Variants in LARGE1 observed in about 807,000 individuals in gnomAD.
LARGE1 encodes the protein xylosyl- and glucuronyltransferase LARGE1.
In LARGE1, 43 loss-of-function variants were observed where a neutral mutation model predicts 87.6. The observed-to-expected ratio is 0.49, with a 90% CI of 0.38 to 0.63. LARGE1 has a LOEUF of 0.63. Among genes scored for constraint, LARGE1 ranks in the 30% least tolerant of loss-of-function variants. The pLI, the probability that LARGE1 is intolerant of heterozygous loss-of-function variation, is 0.00. For synonymous variants in LARGE1, 434 were observed against 394.6 expected (o/e 1.10, Z -1.18); for missense variants, 802 against 1,000.2 (o/e 0.80, Z 2.67).
chr22:33,548,756 G>A (rs1200986439), intron 6 of LARGE1, among the ~76,000 whole-genome samples: 1 of 152,218 alleles, frequency 6.6e-6, no homozygotes, highest in Middle Eastern at 3.4e-3. Flanking sequence ...ACTAATACAG[G>A]CTCCCTTTGT....
chr22:33,475,682 C>T (rs756478883), intron 6 of LARGE1, among the ~76,000 whole-genome samples: 25 of 151,980 alleles, frequency 1.6e-4, no homozygotes, highest in Middle Eastern at 3.2e-3. Flanking sequence ...AGAGTGGTCT[C>T]GAACTCCCGA....
At chr22:33,389,011 G>C (rs1332372782) in intron 7 of LARGE1, among the ~76,000 whole-genome samples, 1 of 152,224 alleles carries the variant, frequency 6.6e-6, no homozygotes, top group Non-Finnish European at 1.5e-5. Flanking sequence ...CAAACACTGA[G>C]ATCATGCAGT....
chr22:33,743,040 A>C (rs1385482868), intron 2 of LARGE1: 1 of 151,976 alleles, frequency 6.6e-6, no homozygotes, highest in East Asian at 1.9e-4. Flanking sequence ...TGGTTGTTTA[A>C]AAAGCGTATG....
Position 33,367,298 on chromosome 22 carries a change from T to A in LARGE1, c.1131+14621A>T, listed in dbSNP as rs539105966. ...TTTCTTGGTGAGTTCACTTTCTTTT[T>A]TCTTGATGAGTCTCGCCATAGGTTT... is the stretch of plus-strand genomic sequence containing the variant. On this transcript the variant is annotated intron_variant, in intron 9 of 14. Coordinates refer to ENST00000397394, the MANE Select transcript of LARGE1 (RefSeq NM_133642.5). Among the ~76,000 whole-genome samples the A allele has an allele frequency of 5.3e-5, 8 of 152,324 alleles. No individual in the cohort carries two copies. In the East Asian group the frequency reaches 1.4e-3, roughly 26 times the overall value.
chr22:33,516,276 G>A (rs1422423482), intron 6 of LARGE1, among the ~76,000 whole-genome samples: 3 of 152,124 alleles, frequency 2.0e-5, no homozygotes, highest in Admixed American at 6.5e-5. Context: ...CTGGTGTGAC[G>A]AAGGCAGGCA....
chr22:33,107,875 T>C, the LARGE1 span, among the ~76,000 whole-genome samples: 1 of 152,046 alleles, frequency 6.6e-6, no homozygotes, highest in African/African-American at 2.4e-5. Flanking sequence ...TAAATATTTT[T>C]AAAGGCTTTA....
At chr22:33,341,637 G>A (rs185672335) in intron 9 of LARGE1, among the ~76,000 whole-genome samples, 3 of 152,222 alleles carry the variant, frequency 2.0e-5, no homozygotes, top group Admixed American at 6.5e-5. Flanking sequence ...ACATCCCCAC[G>A]AACTCCCATA....
chr22:33,113,154 A>G, the LARGE1 span, among the ~76,000 whole-genome samples: 1 of 151,864 alleles, frequency 6.6e-6, no homozygotes, highest in Admixed American at 6.6e-5. Context: ...CACCAACTAT[A>G]TGGCAGGAAG....
chr22:33,856,159 A>G (rs2063749068), intron 1 of LARGE1, among the ~76,000 whole-genome samples: 1 of 152,204 alleles, frequency 6.6e-6, no homozygotes, highest in Admixed American at 6.5e-5. Context: ...CTTCCACTGA[A>G]AAGATTTCAA....
chr22:33,067,822 T>C, the LARGE1 span, among the ~76,000 whole-genome samples: 2 of 151,894 alleles, frequency 1.3e-5, no homozygotes, highest in Non-Finnish European at 2.9e-5. Context: ...CTACTAAAAA[T>C]ACAAAAAATT....
At chr22:33,507,195 C>G (rs1168333485) in intron 6 of LARGE1, among the ~76,000 whole-genome samples, 2 of 152,130 alleles carry the variant, frequency 1.3e-5, no homozygotes, top group Non-Finnish European at 2.9e-5. Context: ...GGCATAGGGA[C>G]CAGCTTTTGC....
chr22:33,361,175 A>G (rs950940668), intron 9 of LARGE1, among the ~76,000 whole-genome samples: 5 of 148,954 alleles, frequency 3.4e-5, no homozygotes, highest in Non-Finnish European at 6.0e-5. Context: ...GCGCCATTGC[A>G]CTCCAGCCTG....
At chr22:33,708,757 C>T (rs1194570788) in intron 2 of LARGE1, among the ~76,000 whole-genome samples, 1 of 152,188 alleles carries the variant, frequency 6.6e-6, no homozygotes, top group African/African-American at 2.4e-5. Flanking sequence ...TGTGCTACCA[C>T]ACCAAGCTAA....
At chr22:33,914,233 C>A (rs141354115) in intron 1 of LARGE1, among the ~76,000 whole-genome samples, 187 of 152,288 alleles carry the variant, frequency 1.2e-3, no homozygotes, top group Non-Finnish European at 2.0e-3. Flanking sequence ...AACTAAGTCA[C>A]TTTGCATTTT....
intron 5 of LARGE1, among the ~76,000 whole-genome samples, chr22:33,601,698 G>T (rs2079117618): frequency 6.6e-6 from 1 of 152,174 alleles, no homozygotes; most frequent in Admixed American, 6.5e-5. Flanking sequence ...ATAAAAAGCA[G>T]GTGTCAGGAA....
chr22:33,223,235 G>T (rs1925546797), intron 11 of LARGE1, among the ~76,000 whole-genome samples: 1 of 152,162 alleles, frequency 6.6e-6, no homozygotes, highest in African/African-American at 2.4e-5. Context: ...CTAAAGCCTT[G>T]AAATAAGTCA....
At chr22:33,375,801 G>A (rs368145774) in intron 9 of LARGE1, among the ~76,000 whole-genome samples, 3 of 152,190 alleles carry the variant, frequency 2.0e-5, no homozygotes, top group Non-Finnish European at 1.5e-5. Flanking sequence ...AGGCTGGAGT[G>A]CAGTGGCACA....
intron 2 of LARGE1, among the ~76,000 whole-genome samples, chr22:33,714,673 C>T (rs1015070344): frequency 1.3e-5 from 2 of 152,216 alleles, no homozygotes; most frequent in African/African-American, 4.8e-5. Context: ...TATGTTGCTA[C>T]TCAACTTGTT....
At chr22:33,257,795 A>C (rs1167112466) in intron 11 of LARGE1, among the ~76,000 whole-genome samples, 1 of 152,220 alleles carries the variant, frequency 6.6e-6, no homozygotes, top group African/African-American at 2.4e-5. Context: ...TTTAACAAAT[A>C]TCTATTTAGG....
Sources: gnomAD v4.1 joint callset for allele counts (sites outside exome capture counted in the v4.1 genomes callset) on GRCh38, gnomAD v4.1.1 for gene constraint, MANE v1.5 for transcripts, NCBI Gene and HGNC (gene_info 2026-07-23, HGNC 2026-07-21) for gene names.